Variants in NT5DC1 observed in about 807,000 individuals in gnomAD.
The protein encoded by NT5DC1 is 5'-nucleotidase domain-containing protein 1.
Under a neutral mutation model 59.4 loss-of-function variants are expected in NT5DC1, and 42 were observed. That is an observed-to-expected ratio of 0.71 (90% CI 0.55 to 0.92). The LOEUF (loss-of-function observed/expected upper bound fraction) is 0.92, where lower values mean the gene tolerates loss of function less well. NT5DC1 is among the 40% of genes least tolerant of loss of function. The probability of loss-of-function intolerance (pLI) is 0.00; values close to 1 mark genes in which losing one functional copy is unlikely to be tolerated. For missense variants in NT5DC1, 501 were observed against 537.1 expected, an observed-to-expected ratio of 0.93 and a Z score of 0.66; for synonymous variants, 172 against 188.1, an observed-to-expected ratio of 0.91 and a Z score of 0.70.
intron 6 of NT5DC1, among the ~76,000 whole-genome samples, chr6:116,124,205 G>C (rs1260346697): frequency 6.6e-6 from 1 of 151,778 alleles, no homozygotes; most frequent in Non-Finnish European, 1.5e-5. Context: ...AAGTTTCATT[G>C]CTCAAAATGG....
intron 6 of NT5DC1, among the ~76,000 whole-genome samples, chr6:116,211,107 G>A (rs1217729713): frequency 2.0e-5 from 3 of 152,038 alleles, no homozygotes; most frequent in African/African-American, 7.2e-5. Flanking sequence ...GAAACCCACC[G>A]CCACTTAAGA....
chr6:116,167,177 G>C (rs915779361), intron 6 of NT5DC1, among the ~76,000 whole-genome samples: 3 of 150,190 alleles, frequency 2.0e-5, no homozygotes, highest in African/African-American at 2.5e-5. Flanking sequence ...GTACTTAAAA[G>C]GTGTTTGTAA....
chr6:116,104,886 CA>C (rs1450817810), intron 1 of NT5DC1, among the ~76,000 whole-genome samples: 1 of 152,008 alleles, frequency 6.6e-6, no homozygotes, highest in Non-Finnish European at 1.5e-5. Flanking sequence ...ACATGCAGGT[CA>C]GTGATTTTCA....
intron 6 of NT5DC1, among the ~76,000 whole-genome samples, chr6:116,153,321 A>G (rs1270400858): frequency 1.5e-5 from 2 of 133,996 alleles, no homozygotes; most frequent in African/African-American, 6.2e-5. Context: ...CAGACTGCCC[A>G]TAAACATCAG....
intron 5 of NT5DC1, among the ~76,000 whole-genome samples, chr6:116,116,473 C>G (rs1242866538): frequency 1.3e-5 from 2 of 152,124 alleles, no homozygotes; most frequent in African/African-American, 2.4e-5. Flanking sequence ...GAAACCTTGT[C>G]TCTAATAAAA....
At chr6:116,105,016 A>G (rs898232940) in intron 1 of NT5DC1, among the ~76,000 whole-genome samples, 3 of 152,188 alleles carry the variant, frequency 2.0e-5, no homozygotes, top group South Asian at 4.1e-4. Context: ...CTGTTGATAT[A>G]TAGTGTTAAC....
chr6:116,151,860 GT>G (rs1780050056), intron 6 of NT5DC1, among the ~76,000 whole-genome samples: 1 of 152,092 alleles, frequency 6.6e-6, no homozygotes, highest in South Asian at 2.1e-4. Context: ...TAAACTGATA[GT>G]TTTGTCTCAT....
chr6:116,123,194 AT>A (rs1262362437), intron 6 of NT5DC1, among the ~76,000 whole-genome samples: 1 of 152,194 alleles, frequency 6.6e-6, no homozygotes, highest in Non-Finnish European at 1.5e-5. Flanking sequence ...CTGTTTTACT[AT>A]TAAAAAGGAG....
rs1771833522 is a variant in NT5DC1, at chr6:116,245,667, TA to T, written c.*1648del. On this transcript the variant is annotated 3_prime_UTR_variant, in exon 12 of 12. Coordinates refer to ENST00000319550, the MANE Select transcript of NT5DC1 (RefSeq NM_152729.3). Reference sequence around the variant, plus strand: ...CTTTAAATAGAGAATTTATTTCTTTTAAAAATAAAGCTATCTTTCCTTATCC... The same window carrying T: ...CTTTAAATAGAGAATTTATTTCTTTTAAAATAAAGCTATCTTTCCTTATCC... 1 of 152,192 alleles carries T rather than the reference TA, an allele frequency of 6.6e-6. No individual in the cohort carries two copies. The highest frequency in any genetic ancestry group is 2.4e-5 in the African/African-American group (1 of 41,456). 9.4% of individuals were successfully genotyped at this position (152,192 alleles called of 1,614,324 possible).
chr6:116,193,161 G>C (rs1019977575), intron 6 of NT5DC1, among the ~76,000 whole-genome samples: 2 of 151,964 alleles, frequency 1.3e-5, no homozygotes, highest in African/African-American at 4.8e-5. Context: ...GCAACTCTTT[G>C]TGTAATGGCC....
Position 116,239,060 on chromosome 6 carries a change from T to C in NT5DC1, c.1189T>C (p.Trp397Arg), listed in dbSNP as rs1782177315. 5 of 1,612,132 alleles carry C rather than the reference T, an allele frequency of 3.1e-6. No individual in the cohort carries two copies. The East Asian group carries it at 6.7e-5, about 22-fold the overall frequency. ...ENTEDSLVYT[W>R]SCKRISTYST... ...TACAGAAGACTCCTTGGTTTATACA[T>C]GGTCTTGTAAGAGAATCAGTACTTA... The change falls in exon 11 of 12, where the codon TGG becomes CGG. Residue 397 changes from tryptophan to arginine, a missense_variant. Coordinates refer to ENST00000319550, the MANE Select transcript of NT5DC1 (RefSeq NM_152729.3).
rs71554841 is a variant in NT5DC1 at position 116,165,098 on chromosome 6, G to GAAAAAAAAAAAA, written c.529+47162_529+47173dup. ...GGCGACAGAGCGAGACTCCGTCTCA[G>GAAAAAAAAAAAA]AAAAAAAAAAAAAAAAAAAATTATT... On this transcript the variant is annotated intron_variant, in intron 6 of 11. Transcript: ENST00000319550. Among the ~76,000 whole-genome samples the GAAAAAAAAAAAA allele has an allele frequency of 6.7e-4, 68 of 101,040 alleles. 1 individual carries two copies. Among genetic ancestry groups the GAAAAAAAAAAAA allele is most frequent in the African/African-American group, 2.6e-3 (64 of 24,380 alleles). 66.3% of individuals were successfully genotyped at this position (101,040 alleles called of 152,430 possible). A position where few individuals can be genotyped will look rare whatever the true frequency, so the allele number is the denominator to read the frequency against.
At chr6:116,148,897 T>G (rs920674160) in intron 6 of NT5DC1, among the ~76,000 whole-genome samples, 3 of 152,134 alleles carry the variant, frequency 2.0e-5, no homozygotes, top group African/African-American at 7.2e-5. Flanking sequence ...ATACATGTAT[T>G]ACATGATACC....
At chr6:116,239,924 T>C (rs62414146) in intron 11 of NT5DC1, among the ~76,000 whole-genome samples, 11,775 of 152,248 alleles carry the variant, frequency 0.077, 664 homozygotes, top group Admixed American at 0.17. Context: ...ACAAAAACTA[T>C]TGTATAAACT....
At chr6:116,204,364 C>G (rs112675658) in intron 6 of NT5DC1, among the ~76,000 whole-genome samples, 12 of 151,814 alleles carry the variant, frequency 7.9e-5, no homozygotes, top group East Asian at 1.9e-4. Context: ...GAGAAAGATT[C>G]AAAAAGATGC....
intron 6 of NT5DC1, among the ~76,000 whole-genome samples, chr6:116,135,872 T>TATACACAC (rs368675402): frequency 8.2e-5 from 10 of 121,310 alleles, no homozygotes; most frequent in African/African-American, 3.5e-4. Flanking sequence ...TATATATATA[T>TATACACAC]ACACACATAC....
intron 4 of NT5DC1, among the ~76,000 whole-genome samples, chr6:116,113,374 C>G (rs1582807042): frequency 6.6e-6 from 1 of 152,300 alleles, no homozygotes; most frequent in Non-Finnish European, 1.5e-5. Context: ...GTAGTAGTTT[C>G]TTGGGGAGCA....
chr6:116,122,121 T>C (rs2041667377), intron 6 of NT5DC1, among the ~76,000 whole-genome samples: 1 of 152,234 alleles, frequency 6.6e-6, no homozygotes, highest in Non-Finnish European at 1.5e-5. Context: ...ATATGTTTTA[T>C]ACTGTTTTAA....
intron 6 of NT5DC1, among the ~76,000 whole-genome samples, chr6:116,173,384 G>T (rs1486419809): frequency 6.6e-6 from 1 of 152,194 alleles, no homozygotes; most frequent in African/African-American, 2.4e-5. Context: ...CCCATCTGGG[G>T]TGGGAAAACA....
Sources: allele counts gnomAD v4.1 joint callset (sites outside exome capture counted in the v4.1 genomes callset), GRCh38; gene constraint gnomAD v4.1.1; transcripts MANE v1.5; gene names NCBI Gene and HGNC (gene_info 2026-07-23, HGNC 2026-07-21).